Variants in MAP3K8 observed in about 807,000 individuals in gnomAD.
MAP3K8 encodes mitogen-activated protein kinase kinase kinase 8.
Under a neutral mutation model 45.8 loss-of-function variants are expected in MAP3K8, and 22 were observed. The ratio of observed to expected loss-of-function variants is 0.48; its 90% CI spans 0.34 to 0.69. MAP3K8 has a LOEUF of 0.69. Ranked by LOEUF, MAP3K8 falls within the 30% of genes least tolerant of loss-of-function variation. The pLI is 0.01. For synonymous variants in MAP3K8, 223 were observed against 214.3 expected (o/e 1.04, Z -0.36); for missense variants, 419 against 585.0 (o/e 0.72, Z 2.93).
intron 4 of MAP3K8, among the ~76,000 whole-genome samples, chr10:30,449,619 C>G (rs919010476): frequency 6.6e-6 from 1 of 152,162 alleles, no homozygotes; most frequent in South Asian, 2.1e-4. Flanking sequence ...CTTGGTTTCT[C>G]TTATTGTAAT....
At chr10:30,458,827 C>T (rs1052141635) in intron 7 of MAP3K8, among the ~76,000 whole-genome samples, 1 of 152,192 alleles carries the variant, frequency 6.6e-6, no homozygotes, top group African/African-American at 2.4e-5. Context: ...GTAATCTCAG[C>T]ACTTTAGAAA....
At chr10:30,460,538 G>A (rs747058843) in intron 8 of MAP3K8, among the ~76,000 whole-genome samples, 168 bp from the exon 9 acceptor site, 4 of 152,070 alleles carry the variant, frequency 2.6e-5, no homozygotes, top group Admixed American at 6.6e-5. Flanking sequence ...TGAACTTTTT[G>A]TTCTATGTCA....
chr10:30,443,094 T>C (rs1293726733), intron 3 of MAP3K8, among the ~76,000 whole-genome samples: 8 of 152,178 alleles, frequency 5.3e-5, no homozygotes, highest in African/African-American at 2.4e-5. Flanking sequence ...GCCCTACTTA[T>C]TGGCCATTAA....
In MAP3K8 at chr10:30,461,679, T is replaced by A. The variant is rs1836944722; in HGVS notation, c.*843T>A. 1 of 185,196 alleles carries A rather than the reference T, an allele frequency of 5.4e-6. No individual in the cohort carries two copies. Among genetic ancestry groups the A allele is most frequent in the Admixed American group, 6.2e-5 (1 of 16,040 alleles). The allele number at this position is 185,196 out of a possible 1,614,324, so 11.5% of individuals were successfully genotyped here. On this transcript the variant is annotated 3_prime_UTR_variant, in exon 9 of 9. Coordinates refer to ENST00000263056, the MANE Select transcript of MAP3K8 (RefSeq NM_005204.4). ...CTGTGTATGTTTTATATCAAATGCC[T>A]TCATGAATCTTTCATACATATATAT...
chr10:30,454,912 CT>C (rs1219469786), intron 6 of MAP3K8, among the ~76,000 whole-genome samples: 1 of 152,086 alleles, frequency 6.6e-6, no homozygotes, highest in Non-Finnish European at 1.5e-5. Flanking sequence ...TTCCACCACC[CT>C]TTTTCCTGGA....
Position 30,461,015 on chromosome 10 carries a change from G to A in MAP3K8, c.*179G>A. The A allele has an allele frequency of 1.7e-6, 1 of 594,710 alleles. No individual in the cohort carries two copies. Among genetic ancestry groups the A allele is most frequent in the Non-Finnish European group, 2.8e-6 (1 of 361,336 alleles). The allele number at this position is 594,710 out of a possible 1,614,324, so 36.8% of individuals were successfully genotyped here. On this transcript the variant is annotated 3_prime_UTR_variant, in exon 9 of 9. Transcript: ENST00000263056. Reference sequence around the variant, plus strand: ...GTGTGTTTGACATGTGAAGCTATTTGATATGCACCAGGTCTCAAGGTTCTC... The same window carrying A: ...GTGTGTTTGACATGTGAAGCTATTTAATATGCACCAGGTCTCAAGGTTCTC...
chr10:30,440,473 T>C (rs1328373874), intron 3 of MAP3K8, among the ~76,000 whole-genome samples: 2 of 152,156 alleles, frequency 1.3e-5, no homozygotes, highest in African/African-American at 4.8e-5. Flanking sequence ...TTAGGTCAGG[T>C]ATGTAGTGAA....
chr10:30,450,666 A>G, intron 5 of MAP3K8, 147 bp downstream of exon 5: 4 of 662,280 alleles, frequency 6.0e-6, no homozygotes, highest in Non-Finnish European at 1.0e-5. Context: ...CCAGAGACAT[A>G]TCTTAGAATC....
At chr10:30,441,895 A>G (rs8176979) in intron 3 of MAP3K8, among the ~76,000 whole-genome samples, 2,490 of 152,252 alleles carry the variant, frequency 0.016, 72 homozygotes, top group African/African-American at 0.056. Flanking sequence ...AGATCTTTCT[A>G]TTCCCATCAT....
chr10:30,444,498 C>T (rs1274502147), intron 3 of MAP3K8, among the ~76,000 whole-genome samples: 2 of 152,006 alleles, frequency 1.3e-5, no homozygotes, highest in East Asian at 3.9e-4. Flanking sequence ...AAATTAAATA[C>T]AGGGGATCTG....
At chr10:30,434,788 A>C in intron 1 of MAP3K8, 1 of 984,824 alleles carries the variant, frequency 1.0e-6, no homozygotes, top group Middle Eastern at 5.2e-4. Context: ...GATCCTCCCA[A>C]ATGCTGGGTG....
Position 30,439,004 on chromosome 10 carries a change from T to A in MAP3K8, c.66T>A (p.Asn22Lys). ...EEIDLLIKHLNVSDVIDIMEN... is the reference protein window; with the variant it reads ...EEIDLLIKHLKVSDVIDIMEN... ...TTGATTTATTAATTAAACATTTAAA[T>A]GTGTCTGATGTAATAGACATTATGG... The change falls in exon 3 of 9, where the codon AAT becomes AAA. Residue 22 changes from asparagine to lysine, a missense_variant. Coordinates refer to ENST00000263056, the MANE Select transcript of MAP3K8 (RefSeq NM_005204.4). 1 of 1,612,274 alleles carries A rather than the reference T, an allele frequency of 6.2e-7. No individual in the cohort carries two copies.
intron 6 of MAP3K8, 107 bp from the exon 7 acceptor site, chr10:30,457,977 T>C: frequency 2.2e-6 from 2 of 903,116 alleles, no homozygotes; most frequent in African/African-American, 1.7e-5. Flanking sequence ...GCCTGCATTA[T>C]TCTCCTAGTT....
At chr10:30,448,284 C>T (rs1836408612) in intron 4 of MAP3K8, among the ~76,000 whole-genome samples, 1 of 152,012 alleles carries the variant, frequency 6.6e-6, no homozygotes, top group Admixed American at 6.6e-5. Context: ...CTGTGCTTCT[C>T]CTTTCATTCC....
chr10:30,459,999 C>A (rs555908952), intron 8 of MAP3K8, among the ~76,000 whole-genome samples: 3 of 152,094 alleles, frequency 2.0e-5, no homozygotes, highest in Admixed American at 6.6e-5. Context: ...CCCACCACCA[C>A]GTCTGGCTAA....
intron 4 of MAP3K8, among the ~76,000 whole-genome samples, chr10:30,449,779 G>C (rs186107904): frequency 2.1e-4 from 32 of 152,096 alleles, no homozygotes; most frequent in African/African-American, 7.7e-4. Context: ...CAAAGTGTTG[G>C]GATTACAGGC....
intron 4 of MAP3K8, 138 bp from the exon 5 acceptor site, chr10:30,450,120 G>A (rs1836484675): frequency 1.5e-6 from 1 of 655,516 alleles, no homozygotes; most frequent in Non-Finnish European, 2.5e-6. Flanking sequence ...TATTGTAACT[G>A]GGCAGTCCAT....
At chr10:30,436,536 T>G (rs565313241) in intron 1 of MAP3K8, among the ~76,000 whole-genome samples, 1 of 152,190 alleles carries the variant, frequency 6.6e-6, no homozygotes, top group East Asian at 1.9e-4. Context: ...GCTCTTGGGT[T>G]TTACATATAA....
intron 3 of MAP3K8, among the ~76,000 whole-genome samples, chr10:30,444,047 A>G (rs1489711004): frequency 6.6e-6 from 1 of 151,994 alleles, no homozygotes; most frequent in Non-Finnish European, 1.5e-5. Context: ...AAAGTCAGCC[A>G]GGTGAGGTGG....
Sources: allele counts gnomAD v4.1 joint callset (sites outside exome capture counted in the v4.1 genomes callset), GRCh38; gene constraint gnomAD v4.1.1; transcripts MANE v1.5; gene names NCBI Gene and HGNC (gene_info 2026-07-23, HGNC 2026-07-21).